Variants in TANC2 observed in about 807,000 individuals in gnomAD.
TANC2 encodes the protein tetratricopeptide repeat, ankyrin repeat and coiled-coil containing 2.
A neutral mutation model predicts 210.5 loss-of-function variants in TANC2; 26 were observed. That is an observed-to-expected ratio of 0.12 (90% CI 0.09 to 0.17). The LOEUF is 0.17. Among genes scored for constraint, TANC2 ranks in the 10% least tolerant of loss-of-function variants. The probability of loss-of-function intolerance (pLI) is 1.00; values close to 1 mark genes in which losing one functional copy is unlikely to be tolerated. For synonymous variants in TANC2, 931 were observed against 967.1 expected (o/e 0.96, Z 0.69); for missense variants, 2,129 against 2,608.9 (o/e 0.82, Z 4.01).
At chr17:63,011,838 A>T (rs2033886458) in intron 2 of TANC2, among the ~76,000 whole-genome samples, 1 of 151,604 alleles carries the variant, frequency 6.6e-6, no homozygotes, top group Admixed American at 6.6e-5. Context: ...CATATAGTTG[A>T]GTTTTCTTTT....
At chr17:63,114,843 C>T (rs1199366410) in intron 4 of TANC2, among the ~76,000 whole-genome samples, 1 of 152,154 alleles carries the variant, frequency 6.6e-6, no homozygotes, top group African/African-American at 2.4e-5. Context: ...GAGCTTAACT[C>T]CTTAAATCTC....
intron 7 of TANC2, among the ~76,000 whole-genome samples, chr17:63,230,092 G>A (rs920078552): frequency 7.2e-5 from 11 of 152,152 alleles, no homozygotes; most frequent in Non-Finnish European, 1.6e-4. Flanking sequence ...CACCGTACCT[G>A]GCCCAGTTGT....
chr17:63,257,621 A>G (rs2043234106), intron 8 of TANC2, among the ~76,000 whole-genome samples: 1 of 152,166 alleles, frequency 6.6e-6, no homozygotes, highest in South Asian at 2.1e-4. Flanking sequence ...TGGCCTCCCA[A>G]AGTGCTGGGA....
intron 12 of TANC2, among the ~76,000 whole-genome samples, chr17:63,346,505 A>C (rs995402155): frequency 6.6e-6 from 1 of 152,210 alleles, no homozygotes; most frequent in African/African-American, 2.4e-5. Flanking sequence ...AGTGTTTAAC[A>C]TGAGTAATCA....
chr17:63,304,119 C>T (rs2044817344), intron 9 of TANC2, among the ~76,000 whole-genome samples: 1 of 152,074 alleles, frequency 6.6e-6, no homozygotes, highest in African/African-American at 2.4e-5. Context: ...TCCAGTTCTG[C>T]GCCCTTGCAG....
chr17:63,308,760 C>A (rs2045013590), intron 9 of TANC2, among the ~76,000 whole-genome samples: 1 of 151,932 alleles, frequency 6.6e-6, no homozygotes, highest in Non-Finnish European at 1.5e-5. Flanking sequence ...TTATATTCAC[C>A]CATGCATGAC....
intron 2 of TANC2, among the ~76,000 whole-genome samples, chr17:63,058,457 G>A (rs2035882955): frequency 6.6e-6 from 1 of 151,986 alleles, no homozygotes; most frequent in African/African-American, 2.4e-5. Context: ...TTGCTTTTGT[G>A]GCAGTTGCTT....
chr17:63,063,217 C>CA (rs2036059595), intron 2 of TANC2, among the ~76,000 whole-genome samples: 1 of 152,166 alleles, frequency 6.6e-6, no homozygotes, highest in Non-Finnish European at 1.5e-5. Flanking sequence ...TTCCATGCCC[C>CA]CTTGGGGGCA....
chr17:63,040,683 C>T (rs2035152029), intron 2 of TANC2, among the ~76,000 whole-genome samples: 1 of 151,970 alleles, frequency 6.6e-6, no homozygotes, highest in Admixed American at 6.6e-5. Context: ...GTATTAATAG[C>T]ACAGAAGAGC....
chr17:63,180,036 G>T (rs1197883155), intron 5 of TANC2, among the ~76,000 whole-genome samples: 5 of 149,724 alleles, frequency 3.3e-5, no homozygotes, highest in Non-Finnish European at 7.4e-5. Flanking sequence ...AGCTACTCAA[G>T]AGGCTGAAGT....
chr17:63,412,722 G>T lies in TANC2; in HGVS notation c.3928+13G>T. On this transcript the variant is annotated intron_variant, in intron 24 of 27. Transcript: ENST00000689528. This position sits in a 1 kb window ranked among gnomAD's most constrained non-coding sequence, Gnocchi z 4.2. The stretch of plus-strand genomic sequence containing the variant: ...AGTCGCCCACGAGGTATATTTCACC[G>T]CTGTCAGCATCAGGCGTGGTCTGAT... 2 of 1,534,666 alleles carry T rather than the reference G, an allele frequency of 1.3e-6. No individual in the cohort carries two copies. Among genetic ancestry groups the T allele is most frequent in the Non-Finnish European group, 1.7e-6 (2 of 1,146,768 alleles).
chr17:63,258,959 T>C (rs904952879), intron 8 of TANC2, among the ~76,000 whole-genome samples: 1 of 152,100 alleles, frequency 6.6e-6, no homozygotes, highest in African/African-American at 2.4e-5. Flanking sequence ...TGGCCCTGGG[T>C]CTCATCCAAG....
chr17:63,351,666 A>G (rs1037825147), intron 13 of TANC2, among the ~76,000 whole-genome samples: 2 of 152,182 alleles, frequency 1.3e-5, no homozygotes, highest in African/African-American at 4.8e-5. Context: ...ATAGCATGAA[A>G]AGAAAGTCAA....
chr17:62,998,459 T>A (rs1188979087), intron 1 of TANC2, among the ~76,000 whole-genome samples: 1 of 151,908 alleles, frequency 6.6e-6, no homozygotes, highest in African/African-American at 2.4e-5. Flanking sequence ...AATCATCAGA[T>A]CCTCCAAGGT....
At chr17:63,296,866 A>G (rs1038629546) in intron 9 of TANC2, among the ~76,000 whole-genome samples, 1 of 152,204 alleles carries the variant, frequency 6.6e-6, no homozygotes, top group African/African-American at 2.4e-5. Flanking sequence ...GGAATTATTC[A>G]GTCTAAAGAA....
chr17:63,135,533 T>G (rs2039061598), intron 4 of TANC2, among the ~76,000 whole-genome samples: 1 of 152,132 alleles, frequency 6.6e-6, no homozygotes, highest in African/African-American at 2.4e-5. Flanking sequence ...TAGCTTTTTT[T>G]TTGTTGACAG....
chr17:63,341,878 C>T (rs957754996), intron 12 of TANC2, among the ~76,000 whole-genome samples: 1 of 152,226 alleles, frequency 6.6e-6, no homozygotes, highest in Non-Finnish European at 1.5e-5. Flanking sequence ...CAGTATCCAA[C>T]CTACTTTTCA....
intron 14 of TANC2, among the ~76,000 whole-genome samples, chr17:63,378,738 C>G (rs2047506459): frequency 6.6e-6 from 1 of 152,138 alleles, no homozygotes; most frequent in Non-Finnish European, 1.5e-5. Flanking sequence ...GAGTATGTGA[C>G]AGTATGGCAA....
intron 14 of TANC2, among the ~76,000 whole-genome samples, chr17:63,379,454 GA>G (rs1229247330): frequency 6.6e-6 from 1 of 152,168 alleles, no homozygotes; most frequent in African/African-American, 2.4e-5. Flanking sequence ...TGGATTACCT[GA>G]GGTCAGGAGT....
Sources: gnomAD v4.1 joint callset for allele counts (sites outside exome capture counted in the v4.1 genomes callset) on GRCh38, gnomAD v4.1.1 for gene constraint, Gnocchi (gnomAD v3.1) non-coding constraint, MANE v1.5 for transcripts, NCBI Gene and HGNC (gene_info 2026-07-23, HGNC 2026-07-21) for gene names.